Variants in RTTN observed in about 807,000 individuals in gnomAD.
RTTN encodes the protein rotatin.
RTTN carries 182 observed loss-of-function variants against 269.2 expected under a neutral mutation model. The observed-to-expected ratio is 0.68, with a 90% confidence interval of 0.60 to 0.76. The LOEUF (loss-of-function observed/expected upper bound fraction) is 0.76. Among genes scored for constraint, RTTN ranks in the 30% least tolerant of loss-of-function variants. The pLI, the probability that RTTN is intolerant of heterozygous loss-of-function variation, is 0.00. For missense variants in RTTN, 2,545 were observed against 2,608.6 expected, an observed-to-expected ratio of 0.98 and a Z score of 0.53; for synonymous variants, 1,006 against 963.5, an observed-to-expected ratio of 1.04 and a Z score of -0.82.
chr18:70,033,267 C>G (rs947570860), intron 40 of RTTN, among the ~76,000 whole-genome samples: 19 of 152,230 alleles, frequency 1.2e-4, no homozygotes, highest in African/African-American at 3.6e-4. Flanking sequence ...TGCTTCCTTA[C>G]AGCCTGTGGA....
At chr18:70,092,609 T>G in intron 29 of RTTN, 67 bp downstream of exon 29, 1 of 1,532,386 alleles carries the variant, frequency 6.5e-7, no homozygotes, top group Non-Finnish European at 8.8e-7. Context: ...ATGCTTGAAA[T>G]GTGTTGGACA....
At chr18:70,142,849 A>G (rs111589551) in intron 18 of RTTN, among the ~76,000 whole-genome samples, 7 of 152,164 alleles carry the variant, frequency 4.6e-5, no homozygotes, top group African/African-American at 1.7e-4. Context: ...ACATTGTGAA[A>G]CTCCATCTCT....
chr18:70,060,644 C>T (rs2057955697), intron 35 of RTTN, among the ~76,000 whole-genome samples: 1 of 152,000 alleles, frequency 6.6e-6, no homozygotes, highest in Admixed American at 6.6e-5. Context: ...TTATTTTGAA[C>T]TATACAATAA....
At chr18:70,126,658 T>G (rs890006285) in intron 25 of RTTN, among the ~76,000 whole-genome samples, 1 of 152,170 alleles carries the variant, frequency 6.6e-6, no homozygotes, top group South Asian at 2.1e-4. Context: ...CTTCATATAA[T>G]TTATTTAATT....
rs750740588 is a variant in RTTN, at chr18:70,135,211, A to C, written c.2858T>G (p.Phe953Cys). Residue 953 changes from phenylalanine (F) to cysteine (C), a missense_variant, in exon 22 of 49, where the codon TTT (phenylalanine) becomes TGT (cysteine). Coordinates refer to ENST00000640769, the MANE Select transcript of RTTN (RefSeq NM_173630.4). ...CATATCCATTCTCGATACTTCATCAAATAATAGAAGACAAAATAGTGCTCC... is the reference window on the plus strand; with the variant it reads ...CATATCCATTCTCGATACTTCATCACATAATAGAAGACAAAATAGTGCTCC... ...EVGALFCLLL[F>C]DEVSRMDMWS... 1 of 1,543,660 alleles carries C rather than the reference A, an allele frequency of 6.5e-7. No individual in the cohort carries two copies. The highest frequency in any genetic ancestry group is 1.4e-5 in the African/African-American group (1 of 69,478).
chr18:70,201,595 G>A (rs1469601980), intron 4 of RTTN, among the ~76,000 whole-genome samples: 13 of 103,050 alleles, frequency 1.3e-4, no homozygotes, highest in Admixed American at 5.0e-4. Context: ...GCGACAGAGC[G>A]AGACTCCATC....
chr18:70,097,651 A>C (rs952409857), intron 28 of RTTN, among the ~76,000 whole-genome samples: 1 of 152,224 alleles, frequency 6.6e-6, no homozygotes, highest in Non-Finnish European at 1.5e-5. Context: ...TAACTGCGAA[A>C]CATTACATAA....
At chr18:70,104,700 A>T (rs143170511) in intron 28 of RTTN, among the ~76,000 whole-genome samples, 1,780 of 152,176 alleles carry the variant, frequency 0.012, 17 homozygotes, top group Non-Finnish European at 0.019. Flanking sequence ...TCTGTTTGTT[A>T]GTTTTCCTTC....
chr18:70,054,175 G>C lies in RTTN; in HGVS notation c.5141C>G (p.Thr1714Ser), dbSNP rs1398936284. The C allele has an allele frequency of 2.5e-6, 4 of 1,613,338 alleles. No homozygotes were observed. The African/African-American group carries it at 4.0e-5, about 16-fold the overall frequency. Residue 1714 changes from threonine (T) to serine (S), a missense_variant, in exon 38 of 49, where the codon ACC becomes AGC. Transcript: ENST00000640769. The part of the protein sequence containing the change: ...IQDELVKPLI[T>S]NIIGILTICT... ...TATGGTGAGAATTCCAATGATATTG[G>C]TGATAAGAGGTTTCACAAGCTCATC...
intron 5 of RTTN, among the ~76,000 whole-genome samples, chr18:70,198,778 T>C (rs1195821344): frequency 6.6e-6 from 1 of 152,168 alleles, no homozygotes; most frequent in Non-Finnish European, 1.5e-5. Flanking sequence ...AAAGACTACA[T>C]TTATGTTCAA....
intron 40 of RTTN, among the ~76,000 whole-genome samples, chr18:70,031,975 T>C (rs1192009145): frequency 6.6e-6 from 1 of 152,064 alleles, no homozygotes; most frequent in Non-Finnish European, 1.5e-5. Context: ...GGAATCCTGG[T>C]AGGAAGGAAC....
intron 46 of RTTN, among the ~76,000 whole-genome samples, chr18:70,010,284 A>C (rs2056330147): frequency 6.6e-6 from 1 of 152,234 alleles, no homozygotes; most frequent in African/African-American, 2.4e-5. Flanking sequence ...CAGAGTATAC[A>C]TTCTTCTCAG....
At chr18:70,095,127 C>CTTTTTTTTTTTT (rs138773918) in intron 28 of RTTN, among the ~76,000 whole-genome samples, 1 of 145,686 alleles carries the variant, frequency 6.9e-6, no homozygotes, top group Non-Finnish European at 1.5e-5. Context: ...GCAACTCCTG[C>CTTTTTTTTTTTT]TTTTTTTTTT....
chr18:70,088,134 G>C lies in RTTN; in HGVS notation c.4157C>G (p.Ser1386Ter). ...VDRDPEVRFT[S>*]LGLGSALTTL... ...GGTCAGTGCTGATCCTAATCCCAGT[G>C]AAGTGAATCTCACCTGTTCAAATTA... The change falls in exon 31 of 49, where the codon TCA becomes TGA. Residue 1386 changes from serine (S) to a stop codon, truncating the protein, a stop_gained. Transcript: ENST00000640769. LOFTEE classifies it high-confidence loss of function. 6.2e-7 allele frequency: 1 copy of C among 1,612,356 alleles called. No individual in the cohort carries two copies. The highest frequency in any genetic ancestry group is 8.5e-7 in the Non-Finnish European group (1 of 1,179,362).
chr18:70,145,627 T>G lies in RTTN; in HGVS notation c.2466A>C (p.Arg822Ser), dbSNP rs115470168. ...KPIELRLDDR[R>S]ELVIKLETVE... ...TTATAGTCACCTTAATAACCAGCTC[T>G]CTTCTGTCATCCAGTCTGAGTTCAA... Residue 822 changes from arginine to serine, a missense_variant, in exon 18 of 49, where the codon AGA (arginine) becomes AGC (serine). By Grantham distance (110) the Arg-to-Ser change is moderately radical (BLOSUM62 -1). Coordinates refer to ENST00000640769, the MANE Select transcript of RTTN (RefSeq NM_173630.4). 1 of 1,603,058 alleles carries G rather than the reference T, an allele frequency of 6.2e-7. No homozygotes were observed. The highest frequency in any genetic ancestry group is 1.1e-5 in the South Asian group (1 of 88,136).
At chr18:70,184,708 T>TG (rs1346425275) in intron 10 of RTTN, among the ~76,000 whole-genome samples, 633 of 58,494 alleles carry the variant, frequency 0.011, 6 homozygotes, top group African/African-American at 0.042. Flanking sequence ...AGCAGGTTTT[T>TG]TTTTTTTTTG....
chr18:70,102,515 CTCTT>C (rs1156696510), intron 28 of RTTN, among the ~76,000 whole-genome samples: 5 of 152,170 alleles, frequency 3.3e-5, no homozygotes, highest in African/African-American at 1.2e-4. Flanking sequence ...TGGGTCTTGA[CTCTT>C]TATCCAACTT....
At chr18:70,202,257 G>T (rs2061973225) in intron 3 of RTTN, among the ~76,000 whole-genome samples, 1 of 152,164 alleles carries the variant, frequency 6.6e-6, no homozygotes, top group African/African-American at 2.4e-5. Context: ...CTGCTACAAA[G>T]TATTCAAGGA....
intron 30 of RTTN, among the ~76,000 whole-genome samples, chr18:70,091,011 A>G (rs1938370525): frequency 6.6e-6 from 1 of 152,112 alleles, no homozygotes; most frequent in East Asian, 1.9e-4. Flanking sequence ...GGGAATGTCT[A>G]TTCTACCATC....
Sources: allele counts gnomAD v4.1 joint callset (sites outside exome capture counted in the v4.1 genomes callset), GRCh38; gene constraint gnomAD v4.1.1; transcripts MANE v1.5; gene names NCBI Gene and HGNC (gene_info 2026-07-23, HGNC 2026-07-21).